PARD3B: variants seen among roughly 807,000 people sequenced by gnomAD.
PARD3B encodes the protein partitioning defective 3 homolog B.
PARD3B carries 103 observed loss-of-function variants against 130.2 expected under a neutral mutation model. The observed-to-expected ratio is 0.79, with a 90% CI of 0.67 to 0.93. The LOEUF is 0.93. Among genes scored for constraint, PARD3B ranks in the 40% least tolerant of loss-of-function variants. The probability of loss-of-function intolerance (pLI) is 0.00; values close to 1 mark genes in which losing one functional copy is unlikely to be tolerated. For synonymous variants in PARD3B, 583 were observed against 553.2 expected (o/e 1.05, Z -0.76); for missense variants, 1,609 against 1,499.2 (o/e 1.07, Z -1.21).
chr2:205,098,306 C>A (rs939958098), intron 4 of PARD3B, among the ~76,000 whole-genome samples: 5 of 152,154 alleles, frequency 3.3e-5, no homozygotes, highest in Admixed American at 1.3e-4. Flanking sequence ...AAACATAATT[C>A]AGCTGCAGTT....
At chr2:205,138,900 A>G (rs992214964) in intron 10 of PARD3B, among the ~76,000 whole-genome samples, 1 of 152,178 alleles carries the variant, frequency 6.6e-6, no homozygotes, top group African/African-American at 2.4e-5. Context: ...GCTTGTTGCC[A>G]TAGTAGTAGG....
Position 205,436,736 on chromosome 2 carries a change from C to T in PARD3B, c.2742-3634C>T, listed in dbSNP as rs114642360. ...CTCTGCCCTGGTGGCTTCTTTTCTA[C>T]GGTTTTCTGTTTTGGGAGAGCTAGT... On this transcript the variant is annotated intron_variant, in intron 19 of 22. Coordinates refer to ENST00000406610, the MANE Select transcript of PARD3B (RefSeq NM_001302769.2). Among the ~76,000 whole-genome samples, 303 of 152,108 alleles carry T rather than the reference C, an allele frequency of 2.0e-3. 1 individual carries two copies. Among genetic ancestry groups the T allele is most frequent in the African/African-American group, 6.7e-3 (278 of 41,474 alleles).
chr2:204,626,522 A>T (rs964708210), intron 1 of PARD3B, among the ~76,000 whole-genome samples: 1 of 152,114 alleles, frequency 6.6e-6, no homozygotes, highest in African/African-American at 2.4e-5. Context: ...TTGAATACAG[A>T]TAGACGATAA....
At chr2:205,002,895 T>C (rs1024241969) in intron 3 of PARD3B, among the ~76,000 whole-genome samples, 1 of 152,194 alleles carries the variant, frequency 6.6e-6, no homozygotes, top group Non-Finnish European at 1.5e-5. Context: ...GCCGGGGTAA[T>C]GCACTCCTCC....
intron 18 of PARD3B, among the ~76,000 whole-genome samples, chr2:205,395,982 A>T (rs1006077056): frequency 6.6e-6 from 1 of 152,042 alleles, no homozygotes; most frequent in Non-Finnish European, 1.5e-5. Flanking sequence ...ACCTGTCCCC[A>T]TTGGCTTTTC....
At chr2:204,985,990 A>G (rs4530350) in intron 3 of PARD3B, among the ~76,000 whole-genome samples, 46,649 of 150,648 alleles carry the variant, frequency 0.31, 8,559 homozygotes, top group Middle Eastern at 0.43. Flanking sequence ...AGCCCCAGCT[A>G]CTCAGGAGGC....
At chr2:205,571,581 G>A (rs1354154132) in intron 22 of PARD3B, among the ~76,000 whole-genome samples, 1 of 152,174 alleles carries the variant, frequency 6.6e-6, no homozygotes, top group African/African-American at 2.4e-5. Flanking sequence ...ATAACCAGAT[G>A]TCCCAGAAGA....
intron 1 of PARD3B, among the ~76,000 whole-genome samples, chr2:204,679,663 A>AT (rs143731460): frequency 7.6e-4 from 115 of 151,268 alleles, no homozygotes; most frequent in African/African-American, 2.5e-3. Flanking sequence ...AAATGTTACA[A>AT]TTTTTTTTTA....
intron 1 of PARD3B, among the ~76,000 whole-genome samples, chr2:204,601,178 A>G (rs531885733): frequency 1.3e-5 from 2 of 152,062 alleles, no homozygotes; most frequent in African/African-American, 4.8e-5. Context: ...TTCAGATTCA[A>G]TTTGTAATAG....
chr2:204,854,109 ACAT>A, intron 2 of PARD3B, among the ~76,000 whole-genome samples: 1 of 152,308 alleles, frequency 6.6e-6, no homozygotes, highest in Non-Finnish European at 1.5e-5. Flanking sequence ...ACTGAAAGAA[ACAT>A]CATGAGAATG....
rs141492277 is a variant in PARD3B at position 205,377,689 on chromosome 2, A to G, written c.2631-23324A>G. On this transcript the variant is annotated intron_variant, in intron 18 of 22. Coordinates refer to ENST00000406610, the MANE Select transcript of PARD3B (RefSeq NM_001302769.2). ...CTGGCTCACATCTTTAACAAATGAC[A>G]TGAGAGCACACAGAACATCAGGTCC... is the stretch of plus-strand genomic sequence containing the variant. Among the ~76,000 whole-genome samples, 654 of 151,972 alleles carry G rather than the reference A, an allele frequency of 4.3e-3. 6 individuals carry two copies. The highest frequency in any genetic ancestry group is 0.015 in the African/African-American group (612 of 41,408).
At chr2:205,561,586 C>T (rs1346681926) in intron 22 of PARD3B, among the ~76,000 whole-genome samples, 2 of 152,164 alleles carry the variant, frequency 1.3e-5, no homozygotes, top group African/African-American at 2.4e-5. Flanking sequence ...GTCATGCCGG[C>T]GGTTGGAATG....
At chr2:205,556,352 T>C (rs548619444) in intron 22 of PARD3B, among the ~76,000 whole-genome samples, 41 of 152,266 alleles carry the variant, frequency 2.7e-4, no homozygotes, top group Middle Eastern at 6.8e-3. Context: ...TTTGGAGCCA[T>C]CGACACAGAG....
At chr2:205,035,828 T>TATATAGTGGG (rs1559374303) in intron 3 of PARD3B, among the ~76,000 whole-genome samples, 5 of 7,976 alleles carry the variant, frequency 6.3e-4, no homozygotes, top group African/African-American at 1.2e-3. Context: ...TATCTATATA[T>TATATAGTGGG]CTATATATAT....
At chr2:205,034,685 A>G (rs1697674926) in intron 3 of PARD3B, among the ~76,000 whole-genome samples, 1 of 152,214 alleles carries the variant, frequency 6.6e-6, no homozygotes, top group African/African-American at 2.4e-5. Flanking sequence ...AATTTTTTAA[A>G]AATTATATAG....
chr2:205,349,623 T>C (rs1313322585), intron 18 of PARD3B, among the ~76,000 whole-genome samples: 1 of 152,120 alleles, frequency 6.6e-6, no homozygotes, highest in Admixed American at 6.6e-5. Flanking sequence ...ACTTCTTCCA[T>C]AAGCATTTTC....
chr2:204,604,518 GT>G (rs940591222), intron 1 of PARD3B, among the ~76,000 whole-genome samples: 12 of 152,094 alleles, frequency 7.9e-5, no homozygotes, highest in Non-Finnish European at 1.0e-4. Flanking sequence ...GTTTTAAACT[GT>G]TTCCTGAAAC....
chr2:204,973,294 A>T (rs976235280), intron 3 of PARD3B, among the ~76,000 whole-genome samples: 4 of 152,180 alleles, frequency 2.6e-5, no homozygotes, highest in African/African-American at 7.2e-5. Context: ...TGAAGTTATG[A>T]CTCAGATTTT....
rs907895891 is a variant in PARD3B at position 204,675,788 on chromosome 2, A to C, written c.121-10393A>C. The stretch of plus-strand genomic sequence containing the variant: ...AGTGAAATATATGTCTCAATACTTA[A>C]ATATTTTTCTATTTGAAAAAGGGAA... On this transcript the variant is annotated intron_variant, in intron 1 of 22. Coordinates refer to ENST00000406610, the MANE Select transcript of PARD3B (RefSeq NM_001302769.2). This position sits in a 1 kb window ranked among gnomAD's most constrained non-coding sequence, Gnocchi z 4.4. Among the ~76,000 whole-genome samples the C allele has an allele frequency of 2.0e-5, 3 of 152,224 alleles. No homozygotes were observed. The highest frequency in any genetic ancestry group is 7.2e-5 in the African/African-American group (3 of 41,452).
Sources: allele counts gnomAD v4.1 joint callset (sites outside exome capture counted in the v4.1 genomes callset), GRCh38; gene constraint gnomAD v4.1.1; non-coding constraint Gnocchi (gnomAD v3.1); transcripts MANE v1.5; gene names NCBI Gene and HGNC (gene_info 2026-07-23, HGNC 2026-07-21).